Variants in VPS26A observed in about 807,000 individuals in gnomAD.
The protein encoded by VPS26A is VPS26 retromer complex component A.
A neutral mutation model predicts 42.4 loss-of-function variants in VPS26A; 22 were observed. The observed-to-expected ratio is 0.52, with a 90% confidence interval of 0.37 to 0.74. The LOEUF (loss-of-function observed/expected upper bound fraction) is 0.74. Among genes scored for constraint, VPS26A ranks in the 30% least tolerant of loss-of-function variants. The probability of loss-of-function intolerance (pLI) is 0.00; values close to 1 mark genes in which losing one functional copy is unlikely to be tolerated. For missense variants in VPS26A, 276 were observed against 379.2 expected, an observed-to-expected ratio of 0.73 and a Z score of 2.26; for synonymous variants, 110 against 123.5, an observed-to-expected ratio of 0.89 and a Z score of 0.73.
intron 2 of VPS26A, among the ~76,000 whole-genome samples, chr10:69,153,068 G>A (rs1841353997): frequency 6.7e-6 from 1 of 149,558 alleles, no homozygotes; most frequent in African/African-American, 2.5e-5. Context: ...TTCGGTTGGC[G>A]GGTACAGGGG....
At chr10:69,168,396 G>A in intron 7 of VPS26A, 93 bp from the exon 8 acceptor site, 2 of 1,319,098 alleles carry the variant, frequency 1.5e-6, no homozygotes, top group Non-Finnish European at 2.1e-6. Context: ...AGGATGTGAA[G>A]CATTAGTGTC....
At chr10:69,151,282 A>G (rs1286277243) in intron 2 of VPS26A, among the ~76,000 whole-genome samples, 3 of 136,776 alleles carry the variant, frequency 2.2e-5, no homozygotes, top group African/African-American at 1.0e-4. Context: ...AAAAAAAAAA[A>G]ACACACACAC....
At chr10:69,129,690 A>AT (rs1239468613) in intron 1 of VPS26A, among the ~76,000 whole-genome samples, 3 of 151,892 alleles carry the variant, frequency 2.0e-5, no homozygotes, top group Admixed American at 2.0e-4. Flanking sequence ...CGCCCAGTTA[A>AT]TTTTTTGTAT....
Position 69,168,717 on chromosome 10 carries a change from G to T in VPS26A, c.870+86G>T, listed in dbSNP as rs148848378. 1.4e-3 allele frequency: 2,114 copies of T among 1,483,488 alleles called. 24 individuals are homozygous for T. The highest frequency in any genetic ancestry group is 3.7e-4 in the Non-Finnish European group (410 of 1,108,156). 91.9% of individuals were successfully genotyped at this position (1,483,488 alleles called of 1,614,324 possible). Reference sequence around the variant, plus strand: ...ACTCTTCTAAGCTTCACTGTACTGAGCGAGTGGGAGTTTCTAAATAAATAA... The same window carrying T: ...ACTCTTCTAAGCTTCACTGTACTGATCGAGTGGGAGTTTCTAAATAAATAA... On this transcript the variant is annotated intron_variant, in intron 8 of 8. Transcript: ENST00000263559.
Position 69,158,132 on chromosome 10 carries a change from C to A in VPS26A, c.472C>A (p.Pro158Thr), listed in dbSNP as rs761116648. 1 of 1,613,086 alleles carries A rather than the reference C, an allele frequency of 6.2e-7. No homozygotes were observed. Among genetic ancestry groups the A allele is most frequent in the Non-Finnish European group, 8.5e-7 (1 of 1,179,500 alleles). Residue 158 changes from proline to threonine, a missense_variant, in exon 5 of 9, where the codon CCT (proline) becomes ACT (threonine). By Grantham distance (38) the Pro-to-Thr change is conservative. Coordinates refer to ENST00000263559, the MANE Select transcript of VPS26A (RefSeq NM_004896.5). The part of the protein sequence containing the change: ...DLIVHQLATY[P>T]DVNNSIKMEV... ...TATTGTTCACCAGCTTGCCACCTAT[C>A]CTGATGTTAACAACTCTATTAAGAT...
Position 69,124,391 on chromosome 10 carries a change from C to T in VPS26A, c.3+111C>T, listed in dbSNP as rs1433281236. Reference sequence around the variant, plus strand: ...CGGAGGAGGGGACGGGGGAGCAGGGCGGGGAGCGGGGTTAGGCCTGTCGGG... The same window carrying T: ...CGGAGGAGGGGACGGGGGAGCAGGGTGGGGAGCGGGGTTAGGCCTGTCGGG... On this transcript the variant is annotated intron_variant, in intron 1 of 8. Coordinates refer to ENST00000263559, the MANE Select transcript of VPS26A (RefSeq NM_004896.5). 1.2e-5 allele frequency: 14 copies of T among 1,153,336 alleles called. No homozygotes were observed. The East Asian group carries it at 3.2e-4, about 26-fold the overall frequency. 71.4% of individuals were successfully genotyped at this position (1,153,336 alleles called of 1,614,324 possible).
intron 7 of VPS26A, 50 bp from the exon 8 acceptor site, chr10:69,168,439 G>A: frequency 1.3e-6 from 2 of 1,581,106 alleles, no homozygotes; most frequent in Non-Finnish European, 1.7e-6. Context: ...CCTGTTATGT[G>A]ACTATATTTA....
intron 2 of VPS26A, among the ~76,000 whole-genome samples, chr10:69,148,754 A>ATTTT (rs34136399): frequency 2.2e-5 from 3 of 133,760 alleles, no homozygotes; most frequent in Middle Eastern, 3.8e-3. Flanking sequence ...AGCAGAGAGT[A>ATTTT]TTTTTTTTTT....
At chr10:69,134,666 A>T (rs1236162775) in intron 2 of VPS26A, among the ~76,000 whole-genome samples, 11 of 144,338 alleles carry the variant, frequency 7.6e-5, no homozygotes, top group Admixed American at 7.0e-4. Flanking sequence ...ATGTGAGGTT[A>T]TTTTTTTTTT....
Position 69,171,139 on chromosome 10 carries a change from T to G in VPS26A, c.871-17T>G, listed in dbSNP as rs374855068. The G allele has an allele frequency of 3.1e-5, 49 of 1,582,056 alleles. No individual in the cohort carries two copies. The African/African-American group carries it at 6.1e-4, about 20-fold the overall frequency. ...TATCAAACATTAATTTGTTAATATC[T>G]TGCATTTGTTTACTAGGAGATAATT... is the stretch of plus-strand genomic sequence containing the variant. On this transcript the variant is annotated splice_polypyrimidine_tract_variant and intron_variant, in intron 8 of 8. Transcript: ENST00000263559.
Position 69,157,191 on chromosome 10 carries a change from CAG to C in VPS26A, c.386+30_386+31del, listed in dbSNP as rs757904521. 4 of 1,579,640 alleles carry C rather than the reference CAG, an allele frequency of 2.5e-6. No individual in the cohort carries two copies. In the Admixed American group the frequency reaches 5.6e-5, roughly 22 times the overall value. ...ATGAATGTGTATTATAAACTGTAAACAGAATCAAAACCAGAAAGTAATGACTA... is the reference window on the plus strand; with the variant it reads ...ATGAATGTGTATTATAAACTGTAAACAATCAAAACCAGAAAGTAATGACTA... On this transcript the variant is annotated intron_variant, in intron 4 of 8. Transcript: ENST00000263559.
At chr10:69,144,834 TCTC>T (rs1048714966) in intron 2 of VPS26A, among the ~76,000 whole-genome samples, 27 of 152,040 alleles carry the variant, frequency 1.8e-4, no homozygotes, top group African/African-American at 3.9e-4. Flanking sequence ...ATAAATATCT[TCTC>T]CTAATTTCTG....
At chr10:69,155,931 A>G in intron 3 of VPS26A, 44 bp downstream of exon 3, 1 of 1,470,502 alleles carries the variant, frequency 6.8e-7, no homozygotes, top group Non-Finnish European at 9.3e-7. Flanking sequence ...TGATAACTGA[A>G]TTTGAAGAGG....
chr10:69,148,550 C>G (rs1239651576), intron 2 of VPS26A, among the ~76,000 whole-genome samples: 2 of 152,118 alleles, frequency 1.3e-5, no homozygotes, highest in Admixed American at 1.3e-4. Context: ...TATCCAGCAA[C>G]AATAATATAC....
intron 6 of VPS26A, 111 bp downstream of exon 6, chr10:69,162,623 C>A: frequency 3.3e-6 from 2 of 599,320 alleles, no homozygotes; most frequent in South Asian, 2.5e-5. Context: ...ACTAATTTTG[C>A]TAGTTAATAT....
chr10:69,166,126 G>A lies in VPS26A; in HGVS notation c.727+16G>A. ...CCAGTAAAAGGTAACACACTTTTCA[G>A]TTACTTCTTTTGTATAGTGCAAACA... On this transcript the variant is annotated intron_variant, in intron 7 of 8. Transcript: ENST00000263559. 12 of 1,610,450 alleles carry A rather than the reference G, an allele frequency of 7.5e-6. No homozygotes were observed. Among genetic ancestry groups the A allele is most frequent in the Non-Finnish European group, 9.3e-6 (11 of 1,177,214 alleles).
At position 69,171,209 on chromosome 10, in the gene VPS26A, C is replaced by T. The variant is rs1377154973; in HGVS notation, c.924C>T (p.Asn308=). ...APEKLRKQRT[N]FHQRFESPES... The stretch of plus-strand genomic sequence containing the variant: ...AAAAACTGAGGAAACAGAGAACAAA[C>T]TTTCACCAGCGATTTGAATCTCCAG... The change falls in exon 9 of 9, where the codon AAC becomes AAT. Residue 308 remains asparagine, a synonymous_variant. Transcript: ENST00000263559. The T allele has an allele frequency of 1.9e-6, 3 of 1,613,700 alleles. No homozygotes were observed. Among genetic ancestry groups the T allele is most frequent in the African/African-American group, 2.7e-5 (2 of 74,894 alleles).
chr10:69,127,275 T>TA (rs556314502), intron 1 of VPS26A, among the ~76,000 whole-genome samples: 6 of 149,360 alleles, frequency 4.0e-5, no homozygotes, highest in South Asian at 2.1e-4. Context: ...TGCCCTAATG[T>TA]AAAAAAACTG....
At chr10:69,146,148 A>G (rs769643589) in intron 2 of VPS26A, among the ~76,000 whole-genome samples, 7 of 152,078 alleles carry the variant, frequency 4.6e-5, no homozygotes, top group Admixed American at 2.0e-4. Flanking sequence ...ACGCTGGAGT[A>G]CAGTGGTGTG....
Sources: gnomAD v4.1 joint callset for allele counts (sites outside exome capture counted in the v4.1 genomes callset) on GRCh38, gnomAD v4.1.1 for gene constraint, MANE v1.5 for transcripts, NCBI Gene and HGNC (gene_info 2026-07-23, HGNC 2026-07-21) for gene names.